Variants in MRPL4 observed in about 807,000 individuals in gnomAD.
The protein encoded by MRPL4 is large ribosomal subunit protein uL4m.
In MRPL4, 34 loss-of-function variants were observed where a neutral mutation model predicts 34.1. The ratio of observed to expected loss-of-function variants is 1.00; its 90% confidence interval spans 0.76 to 1.33. The LOEUF (loss-of-function observed/expected upper bound fraction) is 1.33, where lower values mean the gene tolerates loss of function less well. Among genes scored for constraint, MRPL4 ranks in the 40% most tolerant of loss-of-function variants. The probability of loss-of-function intolerance (pLI) is 0.00; values close to 1 mark genes in which losing one functional copy is unlikely to be tolerated. For synonymous variants in MRPL4, 196 were observed against 188.3 expected (o/e 1.04, Z -0.33); for missense variants, 402 against 434.6 (o/e 0.92, Z 0.67).
In MRPL4 at chr19:10,252,407, C is replaced by T; in HGVS notation, c.68C>T (p.Ser23Phe). 1 of 1,614,072 alleles carries T rather than the reference C, an allele frequency of 6.2e-7. No homozygotes were observed. The highest frequency in any genetic ancestry group is 8.5e-7 in the Non-Finnish European group (1 of 1,179,978). ...GCCCAACCCTTGCAGGGCCTGAGTT[C>T]CCTGGCGGAAGAGGCAGCGCGTGCG... is the stretch of plus-strand genomic sequence containing the variant. ...LRPTGSQGLS[S>F]LAEEAARATE... The change falls in exon 2 of 9, where the codon TCC (serine) becomes TTC (phenylalanine). Residue 23 changes from serine (S) to phenylalanine (F), a missense_variant. Coordinates refer to ENST00000253099, the MANE Select transcript of MRPL4 (RefSeq NM_015956.3).
intron 8 of MRPL4, chr19:10,259,337 G>T (rs1487297318): frequency 5.1e-6 from 7 of 1,385,924 alleles, no homozygotes; most frequent in Non-Finnish European, 5.6e-6. Flanking sequence ...TTTGCCCTGG[G>T]TCTCCCCCAC....
chr19:10,254,533 G>C, intron 3 of MRPL4, 56 bp from the exon 4 acceptor site: 2 of 1,599,232 alleles, frequency 1.3e-6, no homozygotes, highest in South Asian at 2.2e-5. Flanking sequence ...TTCCTATAGT[G>C]GGGTGGGAGC....
upstream of MRPL4, chr19:10,251,953 C>T (rs1027796521): frequency 5.3e-5 from 26 of 487,688 alleles, no homozygotes; most frequent in Non-Finnish European, 9.4e-5. Flanking sequence ...ACCGGCTCGT[C>T]GGAGGCGGGA....
intron 8 of MRPL4, 24 bp from the exon 9 acceptor site, chr19:10,259,593 G>GCC: frequency 3.4e-6 from 1 of 296,260 alleles, no homozygotes. Context: ...CCGGCCCCCC[G>GCC]CCCCGCCCCC....
chr19:10,254,503 A>C, intron 3 of MRPL4, 86 bp from the exon 4 acceptor site: 1 of 1,521,006 alleles, frequency 6.6e-7, no homozygotes, highest in Non-Finnish European at 9.1e-7. Context: ...CCCTGGAGGC[A>C]GAAGGGAGAA....
Position 10,259,726 on chromosome 19 carries a change from C to T in MRPL4, c.849C>T (p.Leu283=). The change falls in exon 9 of 9, where the codon CTC becomes CTT. Residue 283 remains leucine (L), a synonymous_variant. Coordinates refer to ENST00000253099, the MANE Select transcript of MRPL4 (RefSeq NM_015956.3). The part of the protein sequence containing the change: ...LLWQDSRYRP[L]YPFSLPYSDF... ...GGCAGGACTCACGTTACAGACCCCTCTACCCCTTCAGCCTGCCCTACAGCG... is the reference window on the plus strand; with the variant it reads ...GGCAGGACTCACGTTACAGACCCCTTTACCCCTTCAGCCTGCCCTACAGCG... The T allele has an allele frequency of 6.2e-7, 1 of 1,614,076 alleles. No homozygotes were observed. The highest frequency in any genetic ancestry group is 8.5e-7 in the Non-Finnish European group (1 of 1,179,990).
chr19:10,258,734 G>C, intron 8 of MRPL4, 49 bp downstream of exon 8: 1 of 1,613,930 alleles, frequency 6.2e-7, no homozygotes, highest in East Asian at 2.2e-5. Context: ...AGGCTCCGCT[G>C]TTAGAATCAC....
intron 8 of MRPL4, 155 bp from the exon 9 acceptor site, chr19:10,259,462 G>A: frequency 7.0e-7 from 1 of 1,435,998 alleles, no homozygotes; most frequent in Non-Finnish European, 9.1e-7. Context: ...CAAGCGGCCA[G>A]GCAGGGTCTG....
In MRPL4 at chr19:10,259,613, C is replaced by CCCCCCCCA; in HGVS notation, c.740-3_740-2insCCCCCCAC. 1 of 1,576,170 alleles carries CCCCCCCCA rather than the reference C, an allele frequency of 6.3e-7. No individual in the cohort carries two copies. Among genetic ancestry groups the CCCCCCCCA allele is most frequent in the Non-Finnish European group, 8.6e-7 (1 of 1,166,158 alleles). ...CCCCCGCCCCGCCCCCACCCCGCCC[C>CCCCCCCCA]CAGGCCTAAATGTGCACAGCATGCT... On this transcript the variant is annotated splice_region_variant and splice_polypyrimidine_tract_variant and intron_variant, in intron 8 of 8. Coordinates refer to ENST00000253099, the MANE Select transcript of MRPL4 (RefSeq NM_015956.3).
chr19:10,252,513 C>T (rs909144601), intron 2 of MRPL4, 38 bp from the exon 3 acceptor site: 5 of 1,613,794 alleles, frequency 3.1e-6, no homozygotes, highest in Non-Finnish European at 4.2e-6. Flanking sequence ...AGAGGTCTGA[C>T]CCTTGACCCT....
intron 5 of MRPL4, 41 bp downstream of exon 5, chr19:10,256,866 G>GGGGGCC: frequency 1.3e-5 from 5 of 378,378 alleles, no homozygotes; most frequent in Non-Finnish European, 2.0e-5. Context: ...GGGTGGGGGG[G>GGGGGCC]CCAGGGAAGG....
In MRPL4 at chr19:10,252,301, C is replaced by T; in HGVS notation, c.48C>T (p.Thr16=). The T allele has an allele frequency of 5.6e-6, 9 of 1,610,072 alleles. No homozygotes were observed. Among genetic ancestry groups the T allele is most frequent in the Non-Finnish European group, 7.6e-6 (9 of 1,178,154 alleles). ...RAGARAWLRP[T]GSQGLSSLAE... is the part of the protein sequence containing the mutation. ...GGGCGCGGGCCTGGCTTCGGCCTAC[C>T]GGCAGCCAGGTGAGGCCAGGGGCTG... is the stretch of plus-strand genomic sequence containing the variant. Residue 16 remains threonine, a synonymous_variant, in exon 1 of 9, where the codon ACC becomes ACT. Transcript: ENST00000253099.
intron 5 of MRPL4, 41 bp downstream of exon 5, chr19:10,256,866 G>GGGGGGGGGC: frequency 1.5e-4 from 56 of 378,290 alleles, no homozygotes; most frequent in East Asian, 2.5e-4. Context: ...GGGTGGGGGG[G>GGGGGGGGGC]CCAGGGAAGG....
At position 10,256,836 on chromosome 19, in the gene MRPL4, A is replaced by AGGGTGGAGGGGGCGGGGAG; in HGVS notation, c.445+18_445+36dup. 9.9e-6 allele frequency: 1 copy of AGGGTGGAGGGGGCGGGGAG among 100,734 alleles called. No homozygotes were observed. The highest frequency in any genetic ancestry group is 2.9e-4 in the African/African-American group (1 of 3,400). 6.2% of individuals were successfully genotyped at this position (100,734 alleles called of 1,614,324 possible). Reference sequence around the variant, plus strand: ...CGCTCTGGCGAGGAGGTAACAGGACAGGGTGGAGGGGGCGGGGAGGGGTGG... The same window carrying AGGGTGGAGGGGGCGGGGAG: ...CGCTCTGGCGAGGAGGTAACAGGACAGGGTGGAGGGGGCGGGGAGGGGTGGAGGGGGCGGGGAGGGGTGG... On this transcript the variant is annotated intron_variant, in intron 5 of 8. Coordinates refer to ENST00000253099, the MANE Select transcript of MRPL4 (RefSeq NM_015956.3).
At chr19:10,259,388 GC>G (rs2039886864) in intron 8 of MRPL4, 1 of 1,404,840 alleles carries the variant, frequency 7.1e-7, no homozygotes, top group African/African-American at 1.5e-5. Context: ...ACAGGACCGA[GC>G]CTGGCTCTCG....
chr19:10,258,571 C>CT (rs2039874927), intron 7 of MRPL4, 38 bp from the exon 8 acceptor site: 4 of 1,614,178 alleles, frequency 2.5e-6, no homozygotes, highest in Non-Finnish European at 3.4e-6. Context: ...GCTCCGTACT[C>CT]TGAGGGTTCA....
intron 8 of MRPL4, chr19:10,259,302 C>G (rs1057364398): frequency 1.9e-5 from 26 of 1,378,312 alleles, no homozygotes; most frequent in African/African-American, 3.0e-5. Flanking sequence ...ACGATGTGCC[C>G]CGTCACCTCC....
At chr19:10,255,966 C>A (rs745577516) in intron 4 of MRPL4, among the ~76,000 whole-genome samples, 20 of 151,984 alleles carry the variant, frequency 1.3e-4, no homozygotes, top group Non-Finnish European at 2.4e-4. Context: ...GTCAACGTGG[C>A]AAAACCCCAT....
chr19:10,259,098 CA>C (rs35481360), intron 8 of MRPL4: 44,961 of 532,676 alleles, frequency 0.084, 7 homozygotes, highest in African/African-American at 0.11. Flanking sequence ...ACTCTTGTCT[CA>C]AAAAAAAAAA....
Sources: gnomAD v4.1 joint callset for allele counts (sites outside exome capture counted in the v4.1 genomes callset) on GRCh38, gnomAD v4.1.1 for gene constraint, MANE v1.5 for transcripts, NCBI Gene and HGNC (gene_info 2026-07-23, HGNC 2026-07-21) for gene names.